Variants in FRYL observed in about 807,000 individuals in gnomAD.
FRYL encodes the protein FRY like transcription coactivator, also known as protein furry homolog-like.
In FRYL, 150 loss-of-function variants were observed where a neutral mutation model predicts 351.2. The ratio of observed to expected loss-of-function variants is 0.43; its 90% confidence interval spans 0.37 to 0.49. FRYL has a LOEUF of 0.49. Ranked by LOEUF, FRYL falls within the 20% of genes least tolerant of loss-of-function variation. The pLI, the probability that FRYL is intolerant of heterozygous loss-of-function variation, is 0.00. For missense variants in FRYL, 3,036 were observed against 3,619.3 expected, an observed-to-expected ratio of 0.84 and a Z score of 4.13; for synonymous variants, 1,153 against 1,257.1, an observed-to-expected ratio of 0.92 and a Z score of 1.75.
intron 32 of FRYL, among the ~76,000 whole-genome samples, chr4:48,562,033 A>C (rs1436615424): frequency 6.6e-6 from 1 of 152,194 alleles, no homozygotes; most frequent in East Asian, 1.9e-4. Flanking sequence ...AAATGAAACA[A>C]AACAAACAAA....
chr4:48,607,914 T>C (rs28470767), intron 9 of FRYL, among the ~76,000 whole-genome samples: 78,100 of 151,966 alleles, frequency 0.51, 20,530 homozygotes, highest in South Asian at 0.61. Context: ...TTCTGGTCTA[T>C]ATTCCTGAGA....
intron 1 of FRYL, among the ~76,000 whole-genome samples, chr4:48,744,305 T>C (rs1168329615): frequency 1.3e-5 from 2 of 152,074 alleles, no homozygotes; most frequent in Admixed American, 6.5e-5. Flanking sequence ...GTATATGAAT[T>C]ACAGCTTAAT....
intron 1 of FRYL, among the ~76,000 whole-genome samples, chr4:48,746,756 T>G (rs1772724574): frequency 6.6e-6 from 1 of 152,066 alleles, no homozygotes; most frequent in South Asian, 2.1e-4. Flanking sequence ...CTATGACTGC[T>G]GTGATTCTAC....
At chr4:48,778,217 A>G (rs1305525439) in intron 1 of FRYL, among the ~76,000 whole-genome samples, 1 of 152,168 alleles carries the variant, frequency 6.6e-6, no homozygotes, top group Non-Finnish European at 1.5e-5. Flanking sequence ...CCAATTTCCC[A>G]AGTAGTTTCT....
intron 60 of FRYL, 142 bp from the exon 61 acceptor site, chr4:48,502,987 C>G (rs1720055957): frequency 1.6e-6 from 1 of 608,344 alleles, no homozygotes; most frequent in Non-Finnish European, 2.8e-6. Context: ...GAAAATTATA[C>G]AAAGTTATTT....
At chr4:48,523,768 C>T (rs775784736) in intron 53 of FRYL, among the ~76,000 whole-genome samples, 3 of 152,126 alleles carry the variant, frequency 2.0e-5, no homozygotes, top group Non-Finnish European at 2.9e-5. Flanking sequence ...TCAAGATTTA[C>T]AAAGGTTTAA....
At chr4:48,725,578 C>T (rs1769984384) in intron 1 of FRYL, among the ~76,000 whole-genome samples, 1 of 152,122 alleles carries the variant, frequency 6.6e-6, no homozygotes, top group Non-Finnish European at 1.5e-5. Flanking sequence ...TCACGCTGTC[C>T]TGCTCCATCC....
chr4:48,644,154 C>T (rs1437444470), intron 3 of FRYL, among the ~76,000 whole-genome samples: 1 of 152,108 alleles, frequency 6.6e-6, no homozygotes. Flanking sequence ...GTTGGTCAGG[C>T]TGATCTCGAA....
At chr4:48,596,768 G>C (rs527626418) in intron 13 of FRYL, among the ~76,000 whole-genome samples, 2 of 151,760 alleles carry the variant, frequency 1.3e-5, no homozygotes, top group African/African-American at 4.8e-5. Context: ...ATTACAATTT[G>C]ATCAGCAAAC....
In FRYL at chr4:48,546,271, G is replaced by C. The variant is rs183448927; in HGVS notation, c.5075C>G (p.Ala1692Gly). Residue 1692 changes from alanine to glycine, a missense_variant and splice_region_variant, in exon 42 of 64, where the codon GCA becomes GGA. Ala to Gly is a moderately conservative substitution (Grantham distance 60). Transcript: ENST00000358350. Reference sequence around the variant, plus strand: ...ATCAGGTATAAAATCGTTAATGCCTGCTGAAAGAGAAAGATCGTCATGAAT... The same window carrying C: ...ATCAGGTATAAAATCGTTAATGCCTCCTGAAAGAGAAAGATCGTCATGAAT... ...QVAHLDYNFT[A>G]GINDFIPDYQ... The C allele has an allele frequency of 3.9e-5, 63 of 1,609,762 alleles. 1 individual carries two copies. In the East Asian group the frequency reaches 1.4e-3, roughly 36 times the overall value.
chr4:48,511,109 CATT>C, intron 57 of FRYL, 125 bp from the exon 58 acceptor site: 2 of 550,854 alleles, frequency 3.6e-6, no homozygotes, highest in South Asian at 3.2e-5. Context: ...GAACTTTAAT[CATT>C]GATCTATAAA....
At chr4:48,548,829 G>A (rs1268283511) in intron 39 of FRYL, 36 bp from the exon 40 acceptor site, 4 of 1,203,650 alleles carry the variant, frequency 3.3e-6, no homozygotes, top group South Asian at 1.4e-5. Context: ...CGTTTTACTA[G>A]ATCTCAGTAA....
chr4:48,631,610 C>T (rs1306053800), intron 4 of FRYL, among the ~76,000 whole-genome samples: 3 of 151,962 alleles, frequency 2.0e-5, no homozygotes, highest in Non-Finnish European at 2.9e-5. Context: ...TTCCTGGTAT[C>T]GAGTAACTCA....
In FRYL at chr4:48,540,785, G is replaced by C. The variant is rs369859452; in HGVS notation, c.5863C>G (p.Arg1955Gly). Residue 1955 changes from arginine to glycine, a missense_variant, in exon 46 of 64, where the codon CGG becomes GGG. Arg to Gly is a moderately radical substitution (Grantham distance 125). Around this residue, in one of 7 missense-constraint regions of FRYL, gnomAD observed 1,987 missense variants for 2,311.7 expected, o/e 0.86. Transcript: ENST00000358350. Reference sequence around the variant, plus strand: ...ATTATATCCAGTGTGTTACTCCGCCGCCGGTCACCTCGTCGGTCACCAATC... The same window carrying C: ...ATTATATCCAGTGTGTTACTCCGCCCCCGGTCACCTCGTCGGTCACCAATC... Reference protein sequence around the residue: ...SLIGDRRGDRRRSNTLDIMDG... With the variant: ...SLIGDRRGDRGRSNTLDIMDG... 6.2e-7 allele frequency: 1 copy of C among 1,613,680 alleles called. No homozygotes were observed.
intron 59 of FRYL, 24 bp downstream of exon 59, chr4:48,510,035 C>T (rs777389969): frequency 2.7e-5 from 41 of 1,545,900 alleles, no homozygotes; most frequent in Middle Eastern, 1.7e-4. Context: ...AACCACTTTT[C>T]GCACATGGTA....
At chr4:48,686,340 A>G (rs981300146) in intron 2 of FRYL, among the ~76,000 whole-genome samples, 7 of 152,212 alleles carry the variant, frequency 4.6e-5, no homozygotes, top group African/African-American at 1.7e-4. Flanking sequence ...ATATGAATAA[A>G]ATACTAACTT....
chr4:48,553,292 C>A lies in FRYL; in HGVS notation c.4358G>T (p.Ser1453Ile). ...VSELQLTDPV[S>I]SGVTHMDNPP... is the part of the protein sequence containing the mutation. The stretch of plus-strand genomic sequence containing the variant: ...ATTATCCATGTGAGTGACCCCTGAA[C>A]TGACAGGATCGGTCAGCTGAAGCTC... Residue 1453 changes from serine (S) to isoleucine (I), a missense_variant, in exon 36 of 64, where the codon AGT becomes ATT. By Grantham distance (142) the Ser-to-Ile change is moderately radical (BLOSUM62 -2). Around this residue, in one of 7 missense-constraint regions of FRYL, gnomAD observed 1,987 missense variants for 2,311.7 expected, o/e 0.86. Coordinates refer to ENST00000358350, the MANE Select transcript of FRYL (RefSeq NM_015030.2). 1 of 1,613,480 alleles carries A rather than the reference C, an allele frequency of 6.2e-7. No homozygotes were observed. The highest frequency in any genetic ancestry group is 8.5e-7 in the Non-Finnish European group (1 of 1,179,510).
chr4:48,644,521 C>T (rs1191915665), intron 3 of FRYL, among the ~76,000 whole-genome samples: 2 of 149,310 alleles, frequency 1.3e-5, no homozygotes, highest in Non-Finnish European at 3.0e-5. Flanking sequence ...AAAAAAGTAC[C>T]CCCTGCATTC....
chr4:48,540,577 C>G lies in FRYL; in HGVS notation c.6071G>C (p.Arg2024Thr). ...ATGGATAAGCAGTTTGTTGAGAAGC[C>G]TGAGAGCCAGGAGGTATTCATATTC... ...DYEYEYLLAL[R>T]LLNKLLIHLP... Residue 2024 changes from arginine (R) to threonine (T), a missense_variant, in exon 46 of 64, where the codon AGG becomes ACG. Transcript: ENST00000358350. 1 of 1,613,990 alleles carries G rather than the reference C, an allele frequency of 6.2e-7. No individual in the cohort carries two copies. The highest frequency in any genetic ancestry group is 8.5e-7 in the Non-Finnish European group (1 of 1,179,960).
Sources: gnomAD v4.1 joint callset for allele counts (sites outside exome capture counted in the v4.1 genomes callset) on GRCh38, gnomAD v4.1.1 for gene constraint, gnomAD v4.1.1 regional missense constraint, MANE v1.5 for transcripts, NCBI Gene and HGNC (gene_info 2026-07-23, HGNC 2026-07-21) for gene names.